TCF7L1: variants seen among roughly 807,000 people sequenced by gnomAD.
TCF7L1 encodes transcription factor 7 like 1, also known as transcription factor 7-like 1.
Under a neutral mutation model 63.7 loss-of-function variants are expected in TCF7L1, and 18 were observed. That is an observed-to-expected ratio of 0.28 (90% CI 0.20 to 0.42). The LOEUF is 0.42. Among genes scored for constraint, TCF7L1 ranks in the 10% least tolerant of loss-of-function variants. The pLI is 1.00. For synonymous variants in TCF7L1, 355 were observed against 340.9 expected (o/e 1.04, Z -0.46); for missense variants, 654 against 779.3 (o/e 0.84, Z 1.91).
Position 85,309,136 on chromosome 2 carries a change from A to T in TCF7L1, c.1441A>T (p.Thr481Ser). ...SHGSMLDSPA[T>S]PSAALASPAA... ...CGGGAGCATGCTGGACTCCCCGGCC[A>T]CTCCCTCTGCAGCTTTGGCCTCACC... Residue 481 changes from threonine (T) to serine (S), a missense_variant, in exon 12 of 12, where the codon ACT becomes TCT. Thr to Ser is a moderately conservative substitution (Grantham distance 58, BLOSUM62 1). This residue lies in a region of TCF7L1 where 184 missense variants were observed against 204.0 expected (regional missense o/e 0.90). Coordinates refer to ENST00000282111, the MANE Select transcript of TCF7L1 (RefSeq NM_031283.3). The T allele has an allele frequency of 6.2e-7, 1 of 1,604,896 alleles. No individual in the cohort carries two copies. Among genetic ancestry groups the T allele is most frequent in the Non-Finnish European group, 8.5e-7 (1 of 1,177,304 alleles).
At chr2:85,218,648 GA>G (rs138080387) in intron 3 of TCF7L1, among the ~76,000 whole-genome samples, 23 of 150,550 alleles carry the variant, frequency 1.5e-4, no homozygotes, top group East Asian at 1.2e-3. Flanking sequence ...ATGGGGGGGG[GA>G]AAACTGGTGA....
intron 3 of TCF7L1, among the ~76,000 whole-genome samples, chr2:85,161,119 A>G (rs1359524015): frequency 2.6e-5 from 4 of 151,908 alleles, no homozygotes; most frequent in African/African-American, 4.8e-5. Context: ...TCCCCTGCCC[A>G]TGTCGCCCTG....
intron 3 of TCF7L1, among the ~76,000 whole-genome samples, chr2:85,182,745 A>G (rs998869828): frequency 1.3e-5 from 2 of 152,220 alleles, no homozygotes; most frequent in Non-Finnish European, 2.9e-5. Flanking sequence ...TCACGGTCCA[A>G]TGCAAGTCTG....
chr2:85,167,526 A>C (rs1678447419), intron 3 of TCF7L1, among the ~76,000 whole-genome samples: 1 of 152,120 alleles, frequency 6.6e-6, no homozygotes, highest in African/African-American at 2.4e-5. Flanking sequence ...TGGATGGCTA[A>C]AGGAAATGTG....
chr2:85,200,803 G>A (rs1242094476), intron 3 of TCF7L1, among the ~76,000 whole-genome samples: 1 of 152,134 alleles, frequency 6.6e-6, no homozygotes, highest in Non-Finnish European at 1.5e-5. Flanking sequence ...GAGATCACTA[G>A]CATCTAGCTG....
intron 3 of TCF7L1, among the ~76,000 whole-genome samples, chr2:85,222,347 A>G (rs1398433665): frequency 6.8e-6 from 1 of 147,132 alleles, no homozygotes; most frequent in Non-Finnish European, 1.5e-5. Flanking sequence ...TCTCAAAAAA[A>G]AAAACAAACA....
intron 3 of TCF7L1, among the ~76,000 whole-genome samples, chr2:85,281,693 T>C (rs912485240): frequency 3.3e-5 from 5 of 152,116 alleles, no homozygotes; most frequent in Non-Finnish European, 7.4e-5. Context: ...TCCTAATTCA[T>C]AGGGCTTCGT....
At chr2:85,298,930 C>T (rs1224792597) in intron 4 of TCF7L1, among the ~76,000 whole-genome samples, 1 of 151,992 alleles carries the variant, frequency 6.6e-6, no homozygotes, top group African/African-American at 2.4e-5. Context: ...GCCTTCCCTC[C>T]CGGTTCATTT....
intron 3 of TCF7L1, among the ~76,000 whole-genome samples, chr2:85,215,581 G>A (rs372434495): frequency 3.3e-5 from 5 of 152,172 alleles, no homozygotes; most frequent in African/African-American, 9.7e-5. Context: ...CAGCTGTGCC[G>A]AACATCTGGC....
intron 3 of TCF7L1, among the ~76,000 whole-genome samples, chr2:85,263,319 A>AG (rs142307693): frequency 0.48 from 46,447 of 96,218 alleles, 8,718 homozygotes; most frequent in Non-Finnish European, 0.55. Context: ...GGTAGGGTGG[A>AG]GGGGGGGAAG....
chr2:85,288,619 A>G (rs1681616264), intron 4 of TCF7L1, among the ~76,000 whole-genome samples: 1 of 152,240 alleles, frequency 6.6e-6, no homozygotes, highest in Admixed American at 6.5e-5. Flanking sequence ...TTAGTGAGTC[A>G]TGTAGAAGCT....
chr2:85,201,931 T>C, intron 3 of TCF7L1, among the ~76,000 whole-genome samples: 1 of 136,274 alleles, frequency 7.3e-6, no homozygotes, highest in South Asian at 2.3e-4. Context: ...TTCAAGTCTT[T>C]TGACTTTTTA....
At chr2:85,209,161 CG>C (rs1431313833) in intron 3 of TCF7L1, among the ~76,000 whole-genome samples, 2 of 109,740 alleles carry the variant, frequency 1.8e-5, no homozygotes, top group African/African-American at 3.8e-5. Context: ...AGCTGGCCTT[CG>C]TTAAGTTAGG....
intron 10 of TCF7L1, 125 bp from the exon 11 acceptor site, chr2:85,307,515 CCA>C (rs1311987841): frequency 2.7e-6 from 2 of 733,188 alleles, no homozygotes; most frequent in African/African-American, 3.5e-5. Context: ...AATTATCTCT[CCA>C]CACTCTCCCT....
chr2:85,154,713 G>T (rs1192375937), intron 3 of TCF7L1, among the ~76,000 whole-genome samples: 1 of 152,200 alleles, frequency 6.6e-6, no homozygotes, highest in African/African-American at 2.4e-5. Flanking sequence ...CACTGAAGAA[G>T]GCAGGCAGTG....
chr2:85,153,209 T>TG (rs879370852), intron 3 of TCF7L1, among the ~76,000 whole-genome samples: 10 of 152,200 alleles, frequency 6.6e-5, no homozygotes, highest in Non-Finnish European at 1.0e-4. Flanking sequence ...ACCTCATAGT[T>TG]GCAAAGATTA....
intron 3 of TCF7L1, among the ~76,000 whole-genome samples, chr2:85,213,079 G>GTCA (rs1679612082): frequency 6.7e-6 from 1 of 150,038 alleles, no homozygotes; most frequent in Non-Finnish European, 1.5e-5. Flanking sequence ...TGACCCAAGG[G>GTCA]AGGCCCAGAA....
intron 3 of TCF7L1, among the ~76,000 whole-genome samples, chr2:85,182,513 G>A (rs1465974514): frequency 3.3e-5 from 5 of 152,114 alleles, no homozygotes; most frequent in African/African-American, 1.2e-4. Flanking sequence ...AGAGGTTCCC[G>A]GTCAGGCTGT....
chr2:85,261,123 G>GGGGTGTGTGT (rs1194613521), intron 3 of TCF7L1, among the ~76,000 whole-genome samples: 8 of 106,698 alleles, frequency 7.5e-5, no homozygotes, highest in Non-Finnish European at 1.3e-4. Flanking sequence ...AATTATTGCT[G>GGGGTGTGTGT]GTGTGTGTGT....
Sources: gnomAD v4.1 joint callset for allele counts (sites outside exome capture counted in the v4.1 genomes callset) on GRCh38, gnomAD v4.1.1 for gene constraint, gnomAD v4.1.1 regional missense constraint, MANE v1.5 for transcripts, NCBI Gene and HGNC (gene_info 2026-07-23, HGNC 2026-07-21) for gene names.